ICOS: variants seen among roughly 807,000 people sequenced by gnomAD.
ICOS encodes inducible T cell costimulator.
ICOS carries 15 observed loss-of-function variants against 24.6 expected under a neutral mutation model. The observed-to-expected ratio is 0.61, with a 90% CI of 0.41 to 0.94. The LOEUF is 0.94. Among genes scored for constraint, ICOS ranks in the 40% least tolerant of loss-of-function variants. The pLI, the probability that ICOS is intolerant of heterozygous loss-of-function variation, is 0.00. For synonymous variants in ICOS, 89 were observed against 77.5 expected (o/e 1.15, Z -0.78); for missense variants, 200 against 233.0 (o/e 0.86, Z 0.92).
intron 1 of ICOS, among the ~76,000 whole-genome samples, chr2:203,944,910 T>C (rs1344392961): frequency 6.6e-6 from 1 of 152,144 alleles, no homozygotes; most frequent in Non-Finnish European, 1.5e-5. Flanking sequence ...GATTAAGGGG[T>C]AATCAAATAT....
At chr2:203,956,059 A>G (rs1690074365) in intron 2 of ICOS, 88 bp downstream of exon 2, 1 of 887,038 alleles carries the variant, frequency 1.1e-6, no homozygotes. Flanking sequence ...AGACAAATAA[A>G]TATCTTTTGT....
At chr2:203,951,649 C>T (rs1172766870) in intron 1 of ICOS, among the ~76,000 whole-genome samples, 1 of 152,186 alleles carries the variant, frequency 6.6e-6, no homozygotes, top group Non-Finnish European at 1.5e-5. Flanking sequence ...AAGTAGAAGA[C>T]AATGCGTCTA....
chr2:203,955,963 A>C lies in ICOS; in HGVS notation c.386A>C (p.His129Pro). The change falls in exon 2 of 5, where the codon CAT becomes CCT. Residue 129 changes from histidine (H) to proline (P), a missense_variant. By Grantham distance (77) the His-to-Pro change is moderately conservative. Transcript: ENST00000316386. ...GTAACTCTTACAGGAGGATATTTGC[A>C]TATTTATGGTAAGACATTGCTTTCA... ...FKVTLTGGYL[H>P]IYESQLCCQL... 1 of 1,604,586 alleles carries C rather than the reference A, an allele frequency of 6.2e-7. No homozygotes were observed. The highest frequency in any genetic ancestry group is 8.5e-7 in the Non-Finnish European group (1 of 1,172,276).
rs1434820639 is a variant in ICOS, at chr2:203,959,641, T to C, written c.*42T>C. 1 of 1,596,644 alleles carries C rather than the reference T, an allele frequency of 6.3e-7. No individual in the cohort carries two copies. Among genetic ancestry groups the C allele is most frequent in the Admixed American group, 1.7e-5 (1 of 59,980 alleles). On this transcript the variant is annotated 3_prime_UTR_variant, in exon 5 of 5. Transcript: ENST00000316386. ...CCAGGCATGAAGCACGTTGGCCAGT[T>C]TTCCTCAACTTGAAGTGCAAGATTC...
At chr2:203,939,907 C>G (rs905243060) in intron 1 of ICOS, among the ~76,000 whole-genome samples, 1 of 152,150 alleles carries the variant, frequency 6.6e-6, no homozygotes, top group African/African-American at 2.4e-5. Context: ...TCAGGCCATT[C>G]CCAGTCAGCA....
intron 1 of ICOS, among the ~76,000 whole-genome samples, chr2:203,941,551 G>A (rs1430694974): frequency 6.6e-6 from 1 of 152,150 alleles, no homozygotes; most frequent in Non-Finnish European, 1.5e-5. Flanking sequence ...CCTACTCTAA[G>A]AATATTGAGT....
intron 4 of ICOS, among the ~76,000 whole-genome samples, chr2:203,958,179 G>T (rs1690111148): frequency 6.6e-6 from 1 of 152,176 alleles, no homozygotes; most frequent in Non-Finnish European, 1.5e-5. Context: ...AAGTTGGGAT[G>T]ATTCTAAGTG....
At chr2:203,943,574 G>A (rs922384019) in intron 1 of ICOS, among the ~76,000 whole-genome samples, 3 of 152,126 alleles carry the variant, frequency 2.0e-5, no homozygotes, top group African/African-American at 2.4e-5. Flanking sequence ...GGGTGCAATG[G>A]ACTCCATGAG....
At chr2:203,940,664 T>TAA (rs36072293) in intron 1 of ICOS, among the ~76,000 whole-genome samples, 5 of 147,396 alleles carry the variant, frequency 3.4e-5, no homozygotes, top group African/African-American at 2.5e-5. Context: ...CATTCCTTTG[T>TAA]AAAAAAAAAA....
intron 1 of ICOS, among the ~76,000 whole-genome samples, chr2:203,947,632 A>T (rs990368156): frequency 6.6e-6 from 1 of 152,194 alleles, no homozygotes; most frequent in Admixed American, 6.6e-5. Flanking sequence ...AGCAGCAGTT[A>T]ACAGTCTTGA....
At chr2:203,947,191 A>G (rs1689886518) in intron 1 of ICOS, among the ~76,000 whole-genome samples, 1 of 152,248 alleles carries the variant, frequency 6.6e-6, no homozygotes, top group Non-Finnish European at 1.5e-5. Context: ...AAAGAAGAAG[A>G]AAATGTTCTT....
intron 4 of ICOS, among the ~76,000 whole-genome samples, chr2:203,958,755 CTT>C (rs1690120603): frequency 6.8e-6 from 1 of 147,356 alleles, no homozygotes; most frequent in South Asian, 2.2e-4. Context: ...TTCAGTGACT[CTT>C]TTGGTTCCCT....
intron 4 of ICOS, 59 bp from the exon 5 acceptor site, chr2:203,959,527 T>C (rs1298824096): frequency 1.3e-6 from 2 of 1,499,354 alleles, no homozygotes; most frequent in East Asian, 2.3e-5. Flanking sequence ...GGAAAGCTTC[T>C]TGTAGGGAAC....
At chr2:203,943,578 C>A (rs1689816023) in intron 1 of ICOS, among the ~76,000 whole-genome samples, 1 of 152,108 alleles carries the variant, frequency 6.6e-6, no homozygotes, top group Non-Finnish European at 1.5e-5. Flanking sequence ...GCAATGGACT[C>A]CATGAGGGCC....
At chr2:203,949,527 A>G (rs561172249) in intron 1 of ICOS, among the ~76,000 whole-genome samples, 155 of 152,338 alleles carry the variant, frequency 1.0e-3, no homozygotes, top group African/African-American at 3.3e-3. Flanking sequence ...TACAGGAAAC[A>G]AAAAGTGTAA....
intron 1 of ICOS, among the ~76,000 whole-genome samples, chr2:203,949,904 G>A (rs1012003937): frequency 6.6e-6 from 1 of 152,128 alleles, no homozygotes; most frequent in Non-Finnish European, 1.5e-5. Context: ...GAACATCCAA[G>A]AAGGATGGAG....
At position 203,955,842 on chromosome 2, in the gene ICOS, A is replaced by G. The variant is rs1690068323; in HGVS notation, c.265A>G (p.Asn89Asp). 1 of 1,613,706 alleles carries G rather than the reference A, an allele frequency of 6.2e-7. No individual in the cohort carries two copies. The highest frequency in any genetic ancestry group is 8.5e-7 in the Non-Finnish European group (1 of 1,179,802). The change falls in exon 2 of 5, where the codon AAC becomes GAC. Residue 89 changes from asparagine to aspartate, a missense_variant. Transcript: ENST00000316386. ...GAAATTCTGCCATTCTCAGTTATCC[A>G]ACAACAGTGTCTCTTTTTTTCTATA... The part of the protein sequence containing the change: ...SLKFCHSQLS[N>D]NSVSFFLYNL...
chr2:203,954,475 G>C (rs768269493), intron 1 of ICOS, among the ~76,000 whole-genome samples: 8 of 152,118 alleles, frequency 5.3e-5, no homozygotes, highest in African/African-American at 1.9e-4. Flanking sequence ...TGTATTCCCA[G>C]CTTCTTGGGA....
At chr2:203,953,914 A>G (rs1372102565) in intron 1 of ICOS, among the ~76,000 whole-genome samples, 2 of 152,216 alleles carry the variant, frequency 1.3e-5, no homozygotes, top group Admixed American at 1.3e-4. Context: ...ATAAATAATA[A>G]GTATGTTTTT....
Sources: allele counts gnomAD v4.1 joint callset (sites outside exome capture counted in the v4.1 genomes callset), GRCh38; gene constraint gnomAD v4.1.1; transcripts MANE v1.5; gene names NCBI Gene and HGNC (gene_info 2026-07-23, HGNC 2026-07-21).